Variants in TRAPPC10 observed in about 807,000 individuals in gnomAD.
TRAPPC10 encodes TRAPP 130 kDa subunit.
TRAPPC10 carries 23 observed loss-of-function variants against 125.5 expected under a neutral mutation model. The observed-to-expected ratio is 0.18, with a 90% CI of 0.13 to 0.26. The LOEUF (loss-of-function observed/expected upper bound fraction) is 0.26. TRAPPC10 is among the 10% of genes least tolerant of loss of function. TRAPPC10 has a pLI of 1.00. For missense variants in TRAPPC10, 1,123 were observed against 1,308.4 expected (o/e 0.86, Z 2.19); for synonymous variants, 509 against 518.0 (o/e 0.98, Z 0.24).
intron 1 of TRAPPC10, 65 bp downstream of exon 1, chr21:44,012,625 A>T: frequency 7.1e-7 from 1 of 1,413,702 alleles, no homozygotes; most frequent in African/African-American, 1.5e-5. Flanking sequence ...GGCGTTATGC[A>T]CCCGGCGCCC....
rs117765215 is a variant in TRAPPC10 at position 44,032,719 on chromosome 21, A to T, written c.149+547A>T. Among the ~76,000 whole-genome samples the T allele has an allele frequency of 2.0e-4, 31 of 152,338 alleles. No individual in the cohort carries two copies. The East Asian group carries it at 5.8e-3, about 28-fold the overall frequency. On this transcript the variant is annotated intron_variant, in intron 2 of 22. Transcript: ENST00000291574. The stretch of plus-strand genomic sequence containing the variant: ...TCTTAACGAGACATTGGAAAGTAGA[A>T]GCAAGACAATTATTTTGAGTTAAAG...
chr21:44,039,014 T>G (rs2034205687), intron 3 of TRAPPC10, among the ~76,000 whole-genome samples: 1 of 152,228 alleles, frequency 6.6e-6, no homozygotes, highest in African/African-American at 2.4e-5. Context: ...GTCCCTGGCC[T>G]GCTGTGCCAG....
intron 2 of TRAPPC10, among the ~76,000 whole-genome samples, chr21:44,033,369 C>T (rs1439081079): frequency 4.6e-5 from 7 of 152,018 alleles, no homozygotes; most frequent in African/African-American, 1.5e-4. Context: ...ACAAGATATG[C>T]ATTTAGTTGC....
Position 44,087,469 on chromosome 21 carries a change from C to G in TRAPPC10, c.2540-230C>G, listed in dbSNP as rs1340399587. ...CTTGGGTGGGCCCCGTGGGAAATGC[C>G]CTTTTCCTCTCTTCAGATTGAGATC... On this transcript the variant is annotated intron_variant, in intron 16 of 22. Transcript: ENST00000291574. The surrounding 1 kb of genome is among the most constrained non-coding windows in gnomAD (Gnocchi z 4.6). 6.6e-6 allele frequency among the ~76,000 whole-genome samples: 1 copy of G among 152,198 alleles called. No individual in the cohort carries two copies. Among genetic ancestry groups the G allele is most frequent in the Admixed American group, 6.5e-5 (1 of 15,286 alleles).
intron 5 of TRAPPC10, among the ~76,000 whole-genome samples, chr21:44,056,906 A>G (rs77625051): frequency 0.041 from 6,248 of 152,186 alleles, 183 homozygotes; most frequent in Middle Eastern, 0.065. Context: ...TAAGATGGCA[A>G]TGTTTAGGAA....
intron 4 of TRAPPC10, 51 bp downstream of exon 4, chr21:44,052,527 A>T (rs2145838068): frequency 6.6e-7 from 1 of 1,507,688 alleles, no homozygotes; most frequent in East Asian, 2.3e-5. Context: ...GACATGATAC[A>T]GATTGCTGGC....
intron 1 of TRAPPC10, among the ~76,000 whole-genome samples, chr21:44,016,802 G>A (rs2031899034): frequency 1.3e-5 from 2 of 152,172 alleles, no homozygotes; most frequent in African/African-American, 2.4e-5. Context: ...GGGACTACAG[G>A]CGCCCGCCAC....
chr21:44,044,969 C>T (rs1229804184), intron 3 of TRAPPC10, among the ~76,000 whole-genome samples: 1 of 151,876 alleles, frequency 6.6e-6, no homozygotes, highest in Non-Finnish European at 1.5e-5. Context: ...CATATTTACC[C>T]ACCCAGTTTC....
chr21:44,025,819 GGGGTGTGT>G (rs1345169622), intron 1 of TRAPPC10, among the ~76,000 whole-genome samples: 111 of 132,190 alleles, frequency 8.4e-4, no homozygotes, highest in African/African-American at 2.9e-3. Context: ...GCAGAGGGCA[GGGGTGTGT>G]GTGTGTGTGT....
chr21:44,074,025 C>T (rs1569197589), intron 7 of TRAPPC10, among the ~76,000 whole-genome samples: 1 of 151,986 alleles, frequency 6.6e-6, no homozygotes, highest in Non-Finnish European at 1.5e-5. Flanking sequence ...CAGATCTAGA[C>T]CTGCAGAGGC....
chr21:44,038,156 T>G (rs1305774766), intron 3 of TRAPPC10, among the ~76,000 whole-genome samples: 1 of 152,232 alleles, frequency 6.6e-6, no homozygotes. Flanking sequence ...AAATTTACTT[T>G]TTAACATACT....
intron 1 of TRAPPC10, among the ~76,000 whole-genome samples, chr21:44,017,609 G>A (rs894440079): frequency 6.6e-6 from 1 of 152,054 alleles, no homozygotes; most frequent in African/African-American, 2.4e-5. Flanking sequence ...ATATATATAA[G>A]TTGGAAGAAA....
At chr21:44,089,185 T>A (rs952104048) in intron 17 of TRAPPC10, 52 of 286,704 alleles carry the variant, frequency 1.8e-4, no homozygotes, top group Non-Finnish European at 1.5e-4. Flanking sequence ...CTGGCGCTGG[T>A]GGCACCTGTG....
At position 44,047,923 on chromosome 21, in the gene TRAPPC10, G is replaced by T. The variant is rs576600224; in HGVS notation, c.286-4357G>T. Among the ~76,000 whole-genome samples the T allele has an allele frequency of 4.6e-5, 7 of 152,244 alleles. No homozygotes were observed. The South Asian group carries it at 1.5e-3, about 32-fold the overall frequency. ...TGTCATTACTGGGGCTATTTCTATT[G>T]ATTGATTTTTCCTTTTGAGTATAGC... is the stretch of plus-strand genomic sequence containing the variant. On this transcript the variant is annotated intron_variant, in intron 3 of 22. Transcript: ENST00000291574.
At position 44,087,328 on chromosome 21, in the gene TRAPPC10, A is replaced by G. The variant is rs1298523154; in HGVS notation, c.2539+368A>G. 6.6e-6 allele frequency among the ~76,000 whole-genome samples: 1 copy of G among 151,594 alleles called. No individual in the cohort carries two copies. On this transcript the variant is annotated intron_variant, in intron 16 of 22. Coordinates refer to ENST00000291574, the MANE Select transcript of TRAPPC10 (RefSeq NM_003274.5). This position sits in a 1 kb window ranked among gnomAD's most constrained non-coding sequence, Gnocchi z 4.6. The stretch of plus-strand genomic sequence containing the variant: ...GCAGGTGCTGTTGAGAGCCCTGAGC[A>G]CTCCCATCCTCCCAGCCACGAGGAA...
At chr21:44,029,217 C>T (rs2033357012) in intron 1 of TRAPPC10, among the ~76,000 whole-genome samples, 1 of 152,202 alleles carries the variant, frequency 6.6e-6, no homozygotes, top group South Asian at 2.1e-4. Context: ...GCCTCAGCCT[C>T]CCAAGTAGCT....
At position 44,077,920 on chromosome 21, in the gene TRAPPC10, AT is replaced by A. The variant is rs571176106; in HGVS notation, c.1469+145del. ...TAGATTCTCTTACCCAGTCCTCATA[AT>A]TTTTTTTTCAGTTTCTTCTGAAAAC... On this transcript the variant is annotated intron_variant, in intron 11 of 22. Transcript: ENST00000291574. The A allele has an allele frequency of 6.8e-4, 350 of 514,142 alleles. 2 individuals are homozygous for A. The highest frequency in any genetic ancestry group is 4.1e-3 in the African/African-American group (206 of 49,918). The allele number at this position is 514,142 out of a possible 1,614,324, so 31.8% of individuals were successfully genotyped here. A position where few individuals can be genotyped will look rare whatever the true frequency, so the allele number is the denominator to read the frequency against.
At chr21:44,090,572 A>G (rs1255885685) in intron 18 of TRAPPC10, among the ~76,000 whole-genome samples, 2 of 152,128 alleles carry the variant, frequency 1.3e-5, no homozygotes, top group Admixed American at 1.3e-4. Context: ...CAGCTGCCCT[A>G]AAGGCTTGAG....
intron 6 of TRAPPC10, chr21:44,062,724 C>T (rs768939497): frequency 3.1e-4 from 303 of 985,402 alleles, no homozygotes; most frequent in Non-Finnish European, 3.6e-4. Flanking sequence ...AGGGGCTGGG[C>T]TGGCAGGTCC....
Sources: allele counts gnomAD v4.1 joint callset (sites outside exome capture counted in the v4.1 genomes callset), GRCh38; gene constraint gnomAD v4.1.1; non-coding constraint Gnocchi (gnomAD v3.1); transcripts MANE v1.5; gene names NCBI Gene and HGNC (gene_info 2026-07-23, HGNC 2026-07-21).